The following NLGN1 variants were observed in gnomAD, a reference collection of about 807,000 sequenced individuals.
The protein encoded by NLGN1 is neuroligin 1.
NLGN1 carries 12 observed loss-of-function variants against 65.5 expected under a neutral mutation model. That is an observed-to-expected ratio of 0.18 (90% CI 0.12 to 0.30). The LOEUF (loss-of-function observed/expected upper bound fraction) is 0.30, where lower values mean the gene tolerates loss of function less well. NLGN1 is among the 10% of genes least tolerant of loss of function. The pLI, the probability that NLGN1 is intolerant of heterozygous loss-of-function variation, is 1.00. For missense variants in NLGN1, 750 were observed against 1,007.1 expected (o/e 0.74, Z 3.46); for synonymous variants, 350 against 359.5 (o/e 0.97, Z 0.30).
rs74530697 is a variant in NLGN1, at chr3:174,014,095, T to C, written c.646+206263T>C. Among the ~76,000 whole-genome samples the C allele has an allele frequency of 3.1e-3, 469 of 152,258 alleles. 1 individual carries two copies. Among genetic ancestry groups the C allele is most frequent in the African/African-American group, 9.9e-3 (411 of 41,546 alleles). The stretch of plus-strand genomic sequence containing the variant: ...CCACGTCTTAGGTAAATGGAAACTT[T>C]ACCCAAGATTTTGCAAGTGTTGAAG... On this transcript the variant is annotated intron_variant, in intron 4 of 6. Coordinates refer to ENST00000457714, the Ensembl canonical transcript of NLGN1.
chr3:173,471,701 T>G (rs1373667645), intron 2 of NLGN1, among the ~76,000 whole-genome samples: 1 of 152,064 alleles, frequency 6.6e-6, no homozygotes, highest in African/African-American at 2.4e-5. Context: ...TTAACATTTA[T>G]TAAGGATGGA....
intron 4 of NLGN1, among the ~76,000 whole-genome samples, chr3:174,189,764 T>A (rs1002931567): frequency 3.9e-5 from 6 of 151,910 alleles, no homozygotes; most frequent in African/African-American, 1.5e-4. Context: ...AACTCATTTG[T>A]CAAAGGGAGA....
Position 173,405,138 on chromosome 3 carries a change from A to G in NLGN1, c.-390+6651A>G, listed in dbSNP as rs548408801. 2.6e-5 allele frequency among the ~76,000 whole-genome samples: 4 copies of G among 152,248 alleles called. No homozygotes were observed. The South Asian group carries it at 8.3e-4, about 32-fold the overall frequency. On this transcript the variant is annotated intron_variant, in intron 1 of 6. Coordinates refer to ENST00000457714, the Ensembl canonical transcript of NLGN1. ...ATAGCCATGTTTTTCCACAGAAAAT[A>G]GTATGCATGTGTTGATGATGCACTG...
At chr3:173,547,941 AT>A (rs200512077) in intron 2 of NLGN1, among the ~76,000 whole-genome samples, 5 of 150,752 alleles carry the variant, frequency 3.3e-5, no homozygotes, top group East Asian at 1.9e-4. Context: ...ACATGTTTTA[AT>A]TTTTTTTTTC....
chr3:174,062,419 G>A (rs542693166), intron 4 of NLGN1, among the ~76,000 whole-genome samples: 1 of 151,914 alleles, frequency 6.6e-6, no homozygotes, highest in Non-Finnish European at 1.5e-5. Flanking sequence ...TGGCTAAATG[G>A]CCAATGTATC....
intron 3 of NLGN1, among the ~76,000 whole-genome samples, chr3:173,753,618 C>T (rs1239511774): frequency 6.6e-6 from 1 of 152,094 alleles, no homozygotes; most frequent in African/African-American, 2.4e-5. Context: ...ACCTCTAGGG[C>T]TATTATCACT....
At chr3:173,893,046 C>G (rs1448106546) in intron 4 of NLGN1, among the ~76,000 whole-genome samples, 1 of 152,142 alleles carries the variant, frequency 6.6e-6, no homozygotes, top group African/African-American at 2.4e-5. Context: ...GAGAATCAGA[C>G]AGAAAACAGG....
At position 173,516,085 on chromosome 3, in the gene NLGN1, A is replaced by G. The variant is rs540707820; in HGVS notation, c.-321+81007A>G. On this transcript the variant is annotated intron_variant, in intron 2 of 6. Coordinates refer to ENST00000457714, the Ensembl canonical transcript of NLGN1. ...CTGCTACCTTCAATTTAGTTTTCTT[A>G]GATTGTCATTGACCTTGTATATATA... 5.8e-4 allele frequency among the ~76,000 whole-genome samples: 89 copies of G among 152,154 alleles called. 1 individual carries two copies. Among genetic ancestry groups the G allele is most frequent in the Non-Finnish European group, 1.1e-3 (74 of 67,922 alleles).
chr3:174,279,739 A>G lies in NLGN1; in HGVS notation c.1649+89A>G, dbSNP rs924331945. ...TAGATATTTATGCCCAGATAATGTC[A>G]TATTGGATTAATACCTGCAAGATAT... On this transcript the variant is annotated intron_variant, in intron 6 of 6. Transcript: ENST00000457714. The surrounding 1 kb of genome is among the most constrained non-coding windows in gnomAD (Gnocchi z 4.7). 1.3e-6 allele frequency: 1 copy of G among 747,754 alleles called. No individual in the cohort carries two copies. The highest frequency in any genetic ancestry group is 1.8e-5 in the African/African-American group (1 of 56,126). The allele number at this position is 747,754 out of a possible 1,614,324, so 46.3% of individuals were successfully genotyped here. A position where few individuals can be genotyped will look rare whatever the true frequency, so the allele number is the denominator to read the frequency against.
At position 173,756,097 on chromosome 3, in the gene NLGN1, G is replaced by A. The variant is rs371278092; in HGVS notation, c.494-51583G>A. ...GTCTTAAATTTCATTCAGTAATTCC[G>A]TTGTTAATGATATCTACATTAATGT... is the stretch of plus-strand genomic sequence containing the variant. On this transcript the variant is annotated intron_variant, in intron 3 of 6. Coordinates refer to ENST00000457714, the Ensembl canonical transcript of NLGN1. Among the ~76,000 whole-genome samples the A allele has an allele frequency of 2.2e-4, 33 of 151,614 alleles. No individual in the cohort carries two copies. In the East Asian group the frequency reaches 3.0e-3, roughly 14 times the overall value.
At chr3:173,519,675 G>A (rs1456213601) in intron 2 of NLGN1, among the ~76,000 whole-genome samples, 1 of 151,606 alleles carries the variant, frequency 6.6e-6, no homozygotes, top group Non-Finnish European at 1.5e-5. Flanking sequence ...TTTACTGAAT[G>A]CCTATATCCC....
At chr3:173,850,864 G>A (rs947102454) in intron 4 of NLGN1, among the ~76,000 whole-genome samples, 2 of 151,782 alleles carry the variant, frequency 1.3e-5, no homozygotes, top group African/African-American at 2.4e-5. Context: ...AGCCTCCTGC[G>A]TAGCTGGGAC....
intron 3 of NLGN1, among the ~76,000 whole-genome samples, chr3:173,780,330 G>A (rs1578395673): frequency 6.6e-6 from 1 of 152,154 alleles, no homozygotes; most frequent in African/African-American, 2.4e-5. Flanking sequence ...CAGTGTACAT[G>A]TATACGCTCA....
At chr3:173,556,281 T>C (rs1741692097) in intron 2 of NLGN1, among the ~76,000 whole-genome samples, 1 of 152,212 alleles carries the variant, frequency 6.6e-6, no homozygotes, top group Admixed American at 6.5e-5. Context: ...AATTTCTGTG[T>C]ACAAGCACAC....
rs530216637 is a variant in NLGN1, at chr3:174,146,766, C to T, written c.647-128549C>T. On this transcript the variant is annotated intron_variant, in intron 4 of 6. Transcript: ENST00000457714. The stretch of plus-strand genomic sequence containing the variant: ...TATTTTTAGTAGAGACGGGGTTTCA[C>T]CATCTTGGCCAGGCTGGTCTCAAAC... Among the ~76,000 whole-genome samples, 5 of 151,038 alleles carry T rather than the reference C, an allele frequency of 3.3e-5. No individual in the cohort carries two copies. The East Asian group carries it at 9.8e-4, about 30-fold the overall frequency.
intron 3 of NLGN1, among the ~76,000 whole-genome samples, chr3:173,662,344 A>C (rs914121946): frequency 2.0e-5 from 3 of 152,010 alleles, no homozygotes; most frequent in African/African-American, 7.2e-5. Context: ...AAAGTATGTC[A>C]GCCTTGACCA....
intron 3 of NLGN1, among the ~76,000 whole-genome samples, chr3:173,687,665 C>T (rs986112259): frequency 1.3e-5 from 2 of 152,118 alleles, no homozygotes; most frequent in Non-Finnish European, 2.9e-5. Context: ...AAGGAGTTGT[C>T]GATGTCATCA....
intron 1 of NLGN1, among the ~76,000 whole-genome samples, chr3:173,411,969 G>A (rs1297041517): frequency 2.0e-5 from 3 of 152,156 alleles, no homozygotes; most frequent in Non-Finnish European, 4.4e-5. Flanking sequence ...CAGAAAAGTA[G>A]ATGATATGTA....
chr3:173,784,196 A>G (rs2150335215), intron 3 of NLGN1, among the ~76,000 whole-genome samples: 1 of 152,302 alleles, frequency 6.6e-6, no homozygotes, highest in African/African-American at 2.4e-5. Context: ...AATAAGCCTT[A>G]GAGACTTTTA....
Sources: allele counts gnomAD v4.1 joint callset (sites outside exome capture counted in the v4.1 genomes callset), GRCh38; gene constraint gnomAD v4.1.1; non-coding constraint Gnocchi (gnomAD v3.1); transcripts MANE v1.5; gene names NCBI Gene and HGNC (gene_info 2026-07-23, HGNC 2026-07-21).